Variants in IQCM observed in about 807,000 individuals in gnomAD.
IQCM encodes IQ motif containing M.
In IQCM, 45 loss-of-function variants were observed where a neutral mutation model predicts 57.6. That is an observed-to-expected ratio of 0.78 (90% CI 0.62 to 1.00). The LOEUF (loss-of-function observed/expected upper bound fraction) is 1.00, where lower values mean the gene tolerates loss of function less well. Among genes scored for constraint, IQCM ranks in the 50% least tolerant of loss-of-function variants. The probability of loss-of-function intolerance (pLI) is 0.00; values close to 1 mark genes in which losing one functional copy is unlikely to be tolerated. For missense variants in IQCM, 468 were observed against 511.6 expected, an observed-to-expected ratio of 0.91 and a Z score of 0.82; for synonymous variants, 148 against 158.9, an observed-to-expected ratio of 0.93 and a Z score of 0.51.
At chr4:149,526,771 T>C (rs745606252) in intron 12 of IQCM, among the ~76,000 whole-genome samples, 9 of 152,154 alleles carry the variant, frequency 5.9e-5, no homozygotes, top group Non-Finnish European at 1.3e-4. Flanking sequence ...ATTTTAAATA[T>C]GTAAACTGTG....
intron 12 of IQCM, among the ~76,000 whole-genome samples, chr4:149,525,304 A>G (rs1746049377): frequency 6.6e-6 from 1 of 151,978 alleles, no homozygotes; most frequent in Admixed American, 6.6e-5. Context: ...TTATTTTAGG[A>G]AAGTCACTAC....
intron 7 of IQCM, among the ~76,000 whole-genome samples, chr4:149,636,122 C>T (rs538235265): frequency 2.6e-5 from 4 of 152,160 alleles, no homozygotes; most frequent in East Asian, 1.9e-4. Context: ...ATAATGATTT[C>T]GTTTTTCAGC....
intron 13 of IQCM, among the ~76,000 whole-genome samples, chr4:149,404,706 G>A (rs918741994): frequency 2.6e-5 from 4 of 152,008 alleles, no homozygotes; most frequent in African/African-American, 9.7e-5. Context: ...ATAGGACAGC[G>A]TTTGGAGTCT....
intron 13 of IQCM, among the ~76,000 whole-genome samples, chr4:149,380,580 G>A (rs372158459): frequency 7.2e-5 from 11 of 152,094 alleles, no homozygotes; most frequent in Admixed American, 5.9e-4. Context: ...ATTCTCTTTC[G>A]GAAGAAGAGG....
chr4:149,402,438 T>A (rs992936644), intron 13 of IQCM, among the ~76,000 whole-genome samples: 2 of 151,918 alleles, frequency 1.3e-5, no homozygotes, highest in African/African-American at 4.8e-5. Flanking sequence ...TTGGTGGATA[T>A]CTGTTGGTTC....
intron 12 of IQCM, among the ~76,000 whole-genome samples, chr4:149,511,324 G>A (rs1744390333): frequency 6.6e-6 from 1 of 151,356 alleles, no homozygotes; most frequent in South Asian, 2.1e-4. Context: ...TTTGAGACCA[G>A]ATTGGCCAAC....
intron 8 of IQCM, among the ~76,000 whole-genome samples, chr4:149,616,061 C>T (rs981152093): frequency 2.4e-4 from 36 of 152,022 alleles, no homozygotes; most frequent in African/African-American, 7.0e-4. Flanking sequence ...AAAAATTAAA[C>T]AGAGAAATAC....
chr4:149,594,918 A>T (rs1753615712), intron 8 of IQCM, among the ~76,000 whole-genome samples: 1 of 152,272 alleles, frequency 6.6e-6, no homozygotes, highest in South Asian at 2.1e-4. Flanking sequence ...CATGCTGAGA[A>T]GAATGTATAT....
intron 5 of IQCM, among the ~76,000 whole-genome samples, chr4:149,713,482 A>G (rs1271467715): frequency 6.6e-6 from 1 of 152,168 alleles, no homozygotes; most frequent in Non-Finnish European, 1.5e-5. Context: ...ATATAACACT[A>G]ACACTAACCC....
At chr4:149,529,502 T>A (rs923898677) in intron 12 of IQCM, among the ~76,000 whole-genome samples, 3 of 152,234 alleles carry the variant, frequency 2.0e-5, no homozygotes, top group African/African-American at 7.2e-5. Context: ...CAGGCTTTCA[T>A]TGGCATTGAC....
intron 7 of IQCM, among the ~76,000 whole-genome samples, chr4:149,646,248 T>C (rs1404881904): frequency 1.3e-5 from 2 of 152,220 alleles, no homozygotes; most frequent in Non-Finnish European, 1.5e-5. Context: ...CTATTGTTTA[T>C]GTCTCTTGAT....
intron 8 of IQCM, among the ~76,000 whole-genome samples, chr4:149,599,274 A>G (rs1754054770): frequency 2.0e-5 from 3 of 152,330 alleles, no homozygotes; most frequent in East Asian, 1.9e-4. Flanking sequence ...AACCACATCA[A>G]TAAAGATGAA....
At chr4:149,780,412 T>C (rs1426370241) in intron 2 of IQCM, 1 of 151,954 alleles carries the variant, frequency 6.6e-6, no homozygotes, top group Non-Finnish European at 1.5e-5. Context: ...AAAAATACAC[T>C]GGCCAAAAGT....
intron 5 of IQCM, among the ~76,000 whole-genome samples, chr4:149,732,671 A>C (rs976215578): frequency 6.6e-6 from 1 of 152,164 alleles, no homozygotes; most frequent in Non-Finnish European, 1.5e-5. Flanking sequence ...AAATAAGATG[A>C]GGCTGTGAAA....
intron 2 of IQCM, among the ~76,000 whole-genome samples, chr4:149,780,531 T>TTATATATATATATATA (rs371081838): frequency 3.1e-4 from 43 of 138,240 alleles, no homozygotes; most frequent in African/African-American, 1.0e-3. Context: ...AATATGTAAG[T>TTATATATATATATATA]TATATATATA....
At chr4:149,568,623 C>CA (rs1353986989) in intron 9 of IQCM, among the ~76,000 whole-genome samples, 1 of 151,964 alleles carries the variant, frequency 6.6e-6, no homozygotes, top group Non-Finnish European at 1.5e-5. Flanking sequence ...TCTGTCTCTA[C>CA]AAAAATGACT....
intron 9 of IQCM, among the ~76,000 whole-genome samples, chr4:149,578,778 C>G (rs1751899160): frequency 6.6e-6 from 1 of 151,856 alleles, no homozygotes; most frequent in South Asian, 2.1e-4. Context: ...ACGTATATAT[C>G]AGGGACTACC....
intron 2 of IQCM, among the ~76,000 whole-genome samples, chr4:149,814,442 C>A (rs1774866296): frequency 6.6e-6 from 1 of 151,932 alleles, no homozygotes; most frequent in Non-Finnish European, 1.5e-5. Flanking sequence ...TCTGAAAGAA[C>A]AACCCAGTCT....
At chr4:149,550,390 TC>T (rs1269210637) in intron 11 of IQCM, among the ~76,000 whole-genome samples, 1 of 152,222 alleles carries the variant, frequency 6.6e-6, no homozygotes, top group Non-Finnish European at 1.5e-5. Flanking sequence ...TGTCTCAGGA[TC>T]TGATTCTAAA....
Sources: allele counts gnomAD v4.1 joint callset (sites outside exome capture counted in the v4.1 genomes callset), GRCh38; gene constraint gnomAD v4.1.1; transcripts MANE v1.5; gene names NCBI Gene and HGNC (gene_info 2026-07-23, HGNC 2026-07-21).